The following MIA variants were observed in gnomAD, a reference collection of about 807,000 sequenced individuals.
MIA encodes melanoma-derived growth regulatory protein.
MIA carries 18 observed loss-of-function variants against 18.5 expected under a neutral mutation model. The ratio of observed to expected loss-of-function variants is 0.97; its 90% CI spans 0.67 to 1.44. MIA has a LOEUF of 1.44. MIA is among the 40% of genes most tolerant of loss of function. The pLI is 0.00. For synonymous variants in MIA, 55 were observed against 64.9 expected, an observed-to-expected ratio of 0.85 and a Z score of 0.74; for missense variants, 158 against 172.4, an observed-to-expected ratio of 0.92 and a Z score of 0.47.
At position 40,777,480 on chromosome 19, in the gene MIA, C is replaced by A. The variant is rs1230920985; in HGVS notation, c.*60C>A. The A allele has an allele frequency of 5.3e-6, 8 of 1,520,278 alleles. No homozygotes were observed. In the East Asian group the frequency reaches 1.8e-4, roughly 34 times the overall value. The allele number at this position is 1,520,278 out of a possible 1,614,324, so 94.2% of individuals were successfully genotyped here. A position where few individuals can be genotyped will look rare whatever the true frequency, so the allele number is the denominator to read the frequency against. Reference sequence around the variant, plus strand: ...CTTGGCTTTATGCAAATACAATCAGCCCAGTGCAAACGGCTCGTCTCCGTG... The same window carrying A: ...CTTGGCTTTATGCAAATACAATCAGACCAGTGCAAACGGCTCGTCTCCGTG... On this transcript the variant is annotated 3_prime_UTR_variant, in exon 4 of 4. Transcript: ENST00000263369.
chr19:40,775,917 T>C, intron 2 of MIA, 32 bp downstream of exon 2: 2 of 1,611,718 alleles, frequency 1.2e-6, no homozygotes, highest in Non-Finnish European at 1.7e-6. Flanking sequence ...GAGGGAAGGG[T>C]ACAGAGCTGG....
At chr19:40,775,993 G>T in intron 2 of MIA, 108 bp downstream of exon 2, 49 of 1,327,528 alleles carry the variant, frequency 3.7e-5, no homozygotes, top group South Asian at 1.6e-4. Flanking sequence ...CATTGTGGGG[G>T]GATATTGTTA....
rs775193835 is a variant in MIA at position 40,777,388 on chromosome 19, C to CT, written c.373-4dup. 2.5e-6 allele frequency: 4 copies of CT among 1,613,878 alleles called. No individual in the cohort carries two copies. The highest frequency in any genetic ancestry group is 1.7e-5 in the Admixed American group (1 of 59,970). On this transcript the variant is annotated splice_polypyrimidine_tract_variant and intron_variant, in intron 3 of 3. Coordinates refer to ENST00000263369, the MANE Select transcript of MIA (RefSeq NM_006533.4). ...TTTCTTTCCACTGTTTCCCCTTTCT[C>CT]TTTTTCAGAAATGGGATTTCTACTG...
chr19:40,777,009 G>A lies in MIA; in HGVS notation c.302G>A (p.Gly101Asp), dbSNP rs201055731. Reference protein sequence around the residue: ...DYYGDLAARLGYFPSSIVRED... With the variant: ...DYYGDLAARLDYFPSSIVRED... ...TATGGAGATCTGGCTGCTCGCCTGG[G>A]CTATTTCCCCAGTAGCATTGTCCGA... The change falls in exon 3 of 4, where the codon GGC becomes GAC. Residue 101 changes from glycine (G) to aspartate (D), a missense_variant. Gly to Asp is a moderately conservative substitution (Grantham distance 94). Transcript: ENST00000263369. 15 of 1,613,808 alleles carry A rather than the reference G, an allele frequency of 9.3e-6. No individual in the cohort carries two copies. The East Asian group carries it at 2.9e-4, about 31-fold the overall frequency.
rs900831979 is a variant in MIA, at chr19:40,775,775, C to T, written c.151C>T (p.Leu51Phe). The change falls in exon 2 of 4, where the codon CTT becomes TTT. Residue 51 changes from leucine to phenylalanine, a missense_variant. Transcript: ENST00000263369. Reference protein sequence around the residue: ...CSHPISMAVALQDYMAPDCRF... With the variant: ...CSHPISMAVAFQDYMAPDCRF... Reference sequence around the variant, plus strand: ...AGACCCTATCTCCATGGCTGTGGCCCTTCAGGACTACATGGCCCCCGACTG... The same window carrying T: ...AGACCCTATCTCCATGGCTGTGGCCTTTCAGGACTACATGGCCCCCGACTG... 6 of 1,613,988 alleles carry T rather than the reference C, an allele frequency of 3.7e-6. No individual in the cohort carries two copies. The African/African-American group carries it at 6.7e-5, about 18-fold the overall frequency.
chr19:40,775,443 A>G, upstream of MIA: 2 of 1,576,842 alleles, frequency 1.3e-6, no homozygotes, highest in Non-Finnish European at 1.7e-6. Context: ...GGCGGGGACA[A>G]GACCAAGAAC....
At chr19:40,777,196 A>G in intron 3 of MIA, 117 bp downstream of exon 3, 1 of 1,125,496 alleles carries the variant, frequency 8.9e-7, no homozygotes. Flanking sequence ...GCTGGGAGAA[A>G]TTCTTTCCCT....
Position 40,777,450 on chromosome 19 carries a change from C to T in MIA, c.*30C>T, listed in dbSNP as rs2083006600. On this transcript the variant is annotated 3_prime_UTR_variant, in exon 4 of 4. Coordinates refer to ENST00000263369, the MANE Select transcript of MIA (RefSeq NM_006533.4). ...AGCCTACCGCTGGCCCTGCCGTTTC[C>T]CCTCCTTGGCTTTATGCAAATACAA... 1 of 1,610,528 alleles carries T rather than the reference C, an allele frequency of 6.2e-7. No homozygotes were observed. Among genetic ancestry groups the T allele is most frequent in the Non-Finnish European group, 8.5e-7 (1 of 1,177,162 alleles).
upstream of MIA, chr19:40,775,432 G>A (rs1309178230): frequency 7.8e-6 from 12 of 1,544,254 alleles, no homozygotes; most frequent in East Asian, 1.6e-4. Flanking sequence ...GACTGGTTTA[G>A]GGCGGGGACA....
upstream of MIA, chr19:40,775,339 T>A (rs1371632546): frequency 1.3e-6 from 1 of 748,956 alleles, no homozygotes. Flanking sequence ...ATCTGGGAAT[T>A]TCCTTGGGCT....
At position 40,777,482 on chromosome 19, in the gene MIA, C is replaced by A; in HGVS notation, c.*62C>A. 1 of 1,467,158 alleles carries A rather than the reference C, an allele frequency of 6.8e-7. No homozygotes were observed. Among genetic ancestry groups the A allele is most frequent in the Non-Finnish European group, 9.5e-7 (1 of 1,049,852 alleles). 90.9% of individuals were successfully genotyped at this position (1,467,158 alleles called of 1,614,324 possible). On this transcript the variant is annotated 3_prime_UTR_variant, in exon 4 of 4. Transcript: ENST00000263369. ...TGGCTTTATGCAAATACAATCAGCC[C>A]AGTGCAAACGGCTCGTCTCCGTGGT...
rs781520113 is a variant in MIA, at chr19:40,775,847, A to G, written c.223A>G (p.Lys75Glu). The G allele has an allele frequency of 1.2e-6, 2 of 1,613,968 alleles. No homozygotes were observed. Among genetic ancestry groups the G allele is most frequent in the Non-Finnish European group, 1.7e-6 (2 of 1,179,998 alleles). ...GGGCCAAGTGGTGTATGTCTTCTCC[A>G]AGCTGAAGGGCCGTGGGCGGCTCTT... is the stretch of plus-strand genomic sequence containing the variant. ...HRGQVVYVFS[K>E]LKGRGRLFWG... The change falls in exon 2 of 4, where the codon AAG becomes GAG. Residue 75 changes from lysine (K) to glutamate (E), a missense_variant. Physicochemically the swap from Lys to Glu is moderately conservative, Grantham distance 56. Coordinates refer to ENST00000263369, the MANE Select transcript of MIA (RefSeq NM_006533.4).
chr19:40,775,166 A>C (rs1599733832), upstream of MIA: 1 of 190,318 alleles, frequency 5.3e-6, no homozygotes, highest in Middle Eastern at 2.3e-3. Context: ...TTTTCTTTAC[A>C]GGCTCCTCCG....
rs373991845 is a variant in MIA at position 40,775,683 on chromosome 19, G to A, written c.127+14G>A. On this transcript the variant is annotated intron_variant, in intron 1 of 3. Coordinates refer to ENST00000263369, the MANE Select transcript of MIA (RefSeq NM_006533.4). Reference sequence around the variant, plus strand: ...AGGAGTGCAGCCGTAAGAATGGGGAGGGGAGAATTGGGGGCTTGGGCGTTA... The same window carrying A: ...AGGAGTGCAGCCGTAAGAATGGGGAAGGGAGAATTGGGGGCTTGGGCGTTA... 162 of 1,614,054 alleles carry A rather than the reference G, an allele frequency of 1.0e-4. No individual in the cohort carries two copies. The highest frequency in any genetic ancestry group is 1.2e-4 in the Non-Finnish European group (139 of 1,180,040).
intron 2 of MIA, 70 bp downstream of exon 2, chr19:40,775,955 A>G: frequency 6.4e-7 from 1 of 1,560,688 alleles, no homozygotes; most frequent in Non-Finnish European, 8.8e-7. Context: ...CATGAAGGGA[A>G]GATTTGAGGG....
chr19:40,776,772 G>A, intron 2 of MIA, 197 bp from the exon 3 acceptor site: 1 of 507,848 alleles, frequency 2.0e-6, no homozygotes, highest in Non-Finnish European at 3.5e-6. Context: ...AAGCAAATAT[G>A]CGCTGCTGTG....
rs892513520 is a variant in MIA at position 40,775,620 on chromosome 19, T to C, written c.78T>C (p.Pro26=). ...CCGGACCTGGTGTCAGGGGTGGTCC[T>C]ATGCCCAAGCTGGCTGACCGGAAGC... ...AFSGPGVRGG[P]MPKLADRKLC... The change falls in exon 1 of 4, where the codon CCT becomes CCC. Residue 26 remains proline, a synonymous_variant. Coordinates refer to ENST00000263369, the MANE Select transcript of MIA (RefSeq NM_006533.4). 8 of 1,614,072 alleles carry C rather than the reference T, an allele frequency of 5.0e-6. No individual in the cohort carries two copies. The South Asian group carries it at 6.6e-5, about 13-fold the overall frequency.
chr19:40,775,959 TTG>T, intron 2 of MIA, 74 bp downstream of exon 2: 1 of 1,547,988 alleles, frequency 6.5e-7, no homozygotes, highest in Non-Finnish European at 8.8e-7. Context: ...AAGGGAAGAT[TTG>T]AGGGGGGTGA....
chr19:40,775,551 G>A lies in MIA; in HGVS notation c.9G>A (p.Arg3=), dbSNP rs2082989188. 3.1e-6 allele frequency: 5 copies of A among 1,613,998 alleles called. No homozygotes were observed. The highest frequency in any genetic ancestry group is 4.2e-6 in the Non-Finnish European group (5 of 1,180,038). Reference sequence around the variant, plus strand: ...CTTGCTCACAGTCCACGATGGCCCGGTCCCTGGTGTGCCTTGGTGTCATCA... The same window carrying A: ...CTTGCTCACAGTCCACGATGGCCCGATCCCTGGTGTGCCTTGGTGTCATCA... MA[R]SLVCLGVIIL... Residue 3 remains arginine (R), a synonymous_variant, in exon 1 of 4, where the codon CGG becomes CGA. Transcript: ENST00000263369.
Sources: gnomAD v4.1 joint callset for allele counts on GRCh38, gnomAD v4.1.1 for gene constraint, MANE v1.5 for transcripts, NCBI Gene and HGNC (gene_info 2026-07-23, HGNC 2026-07-21) for gene names.